Variants in ELMO3 observed in about 807,000 individuals in gnomAD.
ELMO3 encodes the protein engulfment and cell motility protein 3.
A neutral mutation model predicts 89.0 loss-of-function variants in ELMO3; 81 were observed. That is an observed-to-expected ratio of 0.91 (90% confidence interval 0.76 to 1.09). ELMO3 has a LOEUF of 1.09. Ranked by LOEUF, ELMO3 falls within the 50% of genes least tolerant of loss-of-function variation. The pLI is 0.00. For missense variants in ELMO3, 959 were observed against 972.8 expected (o/e 0.99, Z 0.19); for synonymous variants, 406 against 400.6 (o/e 1.01, Z -0.16).
Position 67,202,151 on chromosome 16 carries a change from C to A in ELMO3, c.1153-25C>A, listed in dbSNP as rs763697306. The A allele has an allele frequency of 2.5e-6, 4 of 1,601,436 alleles. No homozygotes were observed. In the South Asian group the frequency reaches 4.4e-5, roughly 18 times the overall value. ...GTCCCCATGGGCTTAGCTGTGACTC[C>A]TTGCCCCATTCTCTGCGCCCCCAGT... is the stretch of plus-strand genomic sequence containing the variant. On this transcript the variant is annotated intron_variant, in intron 12 of 19. Coordinates refer to ENST00000393997, the MANE Select transcript of ELMO3 (RefSeq NM_024712.5).
rs1430776941 is a variant in ELMO3 at position 67,201,729 on chromosome 16, A to G, written c.919-13A>G. 2 of 1,608,962 alleles carry G rather than the reference A, an allele frequency of 1.2e-6. No homozygotes were observed. Among genetic ancestry groups the G allele is most frequent in the Non-Finnish European group, 8.5e-7 (1 of 1,179,994 alleles). Reference sequence around the variant, plus strand: ...TCTTGATCCCCTCCCCCGCCACCCAACACTGACCCCAGGAGCAGCGGGAGC... The same window carrying G: ...TCTTGATCCCCTCCCCCGCCACCCAGCACTGACCCCAGGAGCAGCGGGAGC... On this transcript the variant is annotated splice_polypyrimidine_tract_variant and intron_variant, in intron 10 of 19. Coordinates refer to ENST00000393997, the MANE Select transcript of ELMO3 (RefSeq NM_024712.5).
At position 67,199,870 on chromosome 16, in the gene ELMO3, C is replaced by T. The variant is rs1339574991; in HGVS notation, c.193-81C>T. ...CGGAGCGCGATCTGTTATTCACCCC[C>T]AGCCGCCCTCACCGACACCCCAGTT... On this transcript the variant is annotated intron_variant, in intron 3 of 19. Transcript: ENST00000393997. The T allele has an allele frequency of 1.3e-5, 21 of 1,608,174 alleles. 1 individual carries two copies. In the Admixed American group the frequency reaches 2.2e-4, roughly 17 times the overall value.
chr16:67,200,579 G>GGGGGCAGTGGAGCAGT, intron 6 of ELMO3, 29 bp downstream of exon 6: 1 of 1,613,228 alleles, frequency 6.2e-7, no homozygotes, highest in African/African-American at 1.3e-5. Flanking sequence ...GGCAGCGGGT[G>GGGGGCAGTGGAGCAGT]GGGGCAGTGG....
At chr16:67,201,703 A>C (rs2033114564) in intron 10 of ELMO3, 39 bp from the exon 11 acceptor site, 1 of 1,607,706 alleles carries the variant, frequency 6.2e-7, no homozygotes, top group Admixed American at 1.7e-5. Flanking sequence ...TGAATCTATA[A>C]TCTTGATCCC....
rs565642405 is a variant in ELMO3 at position 67,200,502 on chromosome 16, G to C, written c.465G>C (p.Glu155Asp). Reference protein sequence around the residue: ...LSLRAFSELMEHGVVSWETLS... With the variant: ...LSLRAFSELMDHGVVSWETLS... ...TGAGGGCCTTCTCAGAGCTCATGGA[G>C]CACGGCGTGGTGTCCTGGGAGACTC... Residue 155 changes from glutamate to aspartate, a missense_variant, in exon 6 of 20, where the codon GAG becomes GAC. Transcript: ENST00000393997. The C allele has an allele frequency of 5.5e-5, 89 of 1,613,788 alleles. No homozygotes were observed. The highest frequency in any genetic ancestry group is 7.5e-5 in the Non-Finnish European group (88 of 1,179,966).
chr16:67,200,127 A>G, intron 4 of ELMO3, 65 bp from the exon 5 acceptor site: 3 of 1,579,428 alleles, frequency 1.9e-6, no homozygotes, highest in Non-Finnish European at 2.6e-6. Context: ...GGGGCCGCAC[A>G]CTTCCAGGTC....
In ELMO3 at chr16:67,199,866, C is replaced by A. The variant is rs1192726061; in HGVS notation, c.193-85C>A. ...CTACCGGAGCGCGATCTGTTATTCA[C>A]CCCCAGCCGCCCTCACCGACACCCC... On this transcript the variant is annotated intron_variant, in intron 3 of 19. Transcript: ENST00000393997. 6 of 1,605,238 alleles carry A rather than the reference C, an allele frequency of 3.7e-6. No homozygotes were observed. In the African/African-American group the frequency reaches 6.7e-5, roughly 18 times the overall value.
rs773629483 is a variant in ELMO3 at position 67,200,906 on chromosome 16, C to A, written c.682C>A (p.Gln228Lys). The change falls in exon 8 of 20, where the codon CAA (glutamine) becomes AAA (lysine). Residue 228 changes from glutamine to lysine, a missense_variant. Gln to Lys is a moderately conservative substitution (Grantham distance 53, BLOSUM62 1). Coordinates refer to ENST00000393997, the MANE Select transcript of ELMO3 (RefSeq NM_024712.5). ...VHLQVMNQQL[Q>K]TKAMALLTAL... Reference sequence around the variant, plus strand: ...TTGCCATAGGATGAACCAGCAGCTGCAAACCAAGGCCATGGCCCTGCTGAC... The same window carrying A: ...TTGCCATAGGATGAACCAGCAGCTGAAAACCAAGGCCATGGCCCTGCTGAC... 4 of 1,613,580 alleles carry A rather than the reference C, an allele frequency of 2.5e-6. No individual in the cohort carries two copies. The East Asian group carries it at 8.9e-5, about 36-fold the overall frequency.
chr16:67,201,048 C>G lies in ELMO3; in HGVS notation c.744+80C>G, dbSNP rs1051934404. On this transcript the variant is annotated intron_variant, in intron 8 of 19. Transcript: ENST00000393997. ...CCTGAAGCAAAATCCTCTAAGCCCC[C>G]CTTTTTTTTTTTTTTGAGATGGAGT... The G allele has an allele frequency of 2.9e-5, 41 of 1,414,092 alleles. No homozygotes were observed. In the Admixed American group the frequency reaches 5.7e-4, roughly 20 times the overall value. The allele number at this position is 1,414,092 out of a possible 1,614,324, so 87.6% of individuals were successfully genotyped here. A position where few individuals can be genotyped will look rare whatever the true frequency, so the allele number is the denominator to read the frequency against.
At position 67,203,070 on chromosome 16, in the gene ELMO3, G is replaced by C. The variant is rs781356702; in HGVS notation, c.1676-49G>C. 1.1e-5 allele frequency: 18 copies of C among 1,595,838 alleles called. No individual in the cohort carries two copies. The African/African-American group carries it at 2.4e-4, about 21-fold the overall frequency. On this transcript the variant is annotated intron_variant, in intron 16 of 19. Coordinates refer to ENST00000393997, the MANE Select transcript of ELMO3 (RefSeq NM_024712.5). This position sits in a 1 kb window ranked among gnomAD's most constrained non-coding sequence, Gnocchi z 4.6. Reference sequence around the variant, plus strand: ...AGGGCAGGCAGAGGGCGGCTGGCTTGGTGTCAGGACCTCTCAGCACTCTGG... The same window carrying C: ...AGGGCAGGCAGAGGGCGGCTGGCTTCGTGTCAGGACCTCTCAGCACTCTGG...
At position 67,199,962 on chromosome 16, in the gene ELMO3, G is replaced by T; in HGVS notation, c.204G>T (p.Glu68Asp). Residue 68 changes from glutamate (E) to aspartate (D), a missense_variant, in exon 4 of 20, where the codon GAG becomes GAT. By Grantham distance (45) the Glu-to-Asp change is conservative. Coordinates refer to ENST00000393997, the MANE Select transcript of ELMO3 (RefSeq NM_024712.5). ...GCTGTCTTCTCCAGAACCGCGCGGA[G>T]ATCAAGAATGGCAGCATCCTGTGCC... ...RRYITENNRA[E>D]IKNGSILCLS... The T allele has an allele frequency of 6.2e-7, 1 of 1,613,884 alleles. No homozygotes were observed.
chr16:67,203,139 C>A lies in ELMO3; in HGVS notation c.1696C>A (p.Leu566Met). ...RRQDKLWFCCLSPNHKLLQYG... is the reference protein window; with the variant it reads ...RRQDKLWFCCMSPNHKLLQYG... The stretch of plus-strand genomic sequence containing the variant: ...CGCAGATAAGCTGTGGTTCTGCTGC[C>A]TGTCCCCCAACCACAAGCTGCTGCA... The change falls in exon 17 of 20, where the codon CTG (leucine) becomes ATG (methionine). Residue 566 changes from leucine (L) to methionine (M), a missense_variant. By Grantham distance (15) the Leu-to-Met change is conservative. Transcript: ENST00000393997. The surrounding 1 kb of genome is among the most constrained non-coding windows in gnomAD (Gnocchi z 4.6). 6.2e-7 allele frequency: 1 copy of A among 1,611,876 alleles called. No homozygotes were observed.
intron 8 of ELMO3, 34 bp downstream of exon 8, chr16:67,201,002 AC>A: frequency 3.8e-6 from 6 of 1,565,324 alleles, no homozygotes; most frequent in Non-Finnish European, 5.1e-6. Flanking sequence ...TGGGGGCAGC[AC>A]CCGGTGGGCG....
rs759178822 is a variant in ELMO3 at position 67,200,976 on chromosome 16, TC to T, written c.744+9del. The stretch of plus-strand genomic sequence containing the variant: ...AGCCCTGTGGAACGCAAGGTGAGTG[TC>T]GATCGGTGGCTAGATGGGGGCAGCA... On this transcript the variant is annotated intron_variant, in intron 8 of 19. Transcript: ENST00000393997. 1.3e-6 allele frequency: 2 copies of T among 1,590,746 alleles called. No homozygotes were observed. The highest frequency in any genetic ancestry group is 2.3e-5 in the South Asian group (2 of 87,378).
At chr16:67,200,604 G>C in intron 6 of ELMO3, 53 bp from the exon 7 acceptor site, 1 of 1,610,796 alleles carries the variant, frequency 6.2e-7, no homozygotes. Context: ...GTGGGGCAGT[G>C]GTAGACCCGG....
rs75193761 is a variant in ELMO3, at chr16:67,199,340, G to A, written c.14G>A (p.Arg5Gln). 53,218 of 1,611,042 alleles carry A rather than the reference G, an allele frequency of 0.033. 1,267 individuals carry two copies. The highest frequency in any genetic ancestry group is 0.069 in the South Asian group (6,270 of 91,008). MAPP[R>Q]NVVKIAIKMR... Reference sequence around the variant, plus strand: ...CCCAGCTGGACCATGGCGCCTCCGCGGAACGTGGTGAAGATTGCCATCAAG... The same window carrying A: ...CCCAGCTGGACCATGGCGCCTCCGCAGAACGTGGTGAAGATTGCCATCAAG... Residue 5 changes from arginine (R) to glutamine (Q), a missense_variant, in exon 1 of 20, where the codon CGG becomes CAG. Physicochemically the swap from Arg to Gln is conservative, Grantham distance 43. Transcript: ENST00000393997.
In ELMO3 at chr16:67,203,892, A is replaced by G. The variant is rs1190846606; in HGVS notation, c.*15A>G. 5.9e-6 allele frequency: 9 copies of G among 1,529,960 alleles called. No individual in the cohort carries two copies. The highest frequency in any genetic ancestry group is 1.4e-5 in the African/African-American group (1 of 73,296). The allele number at this position is 1,529,960 out of a possible 1,614,324, so 94.8% of individuals were successfully genotyped here. A position where few individuals can be genotyped will look rare whatever the true frequency, so the allele number is the denominator to read the frequency against. On this transcript the variant is annotated 3_prime_UTR_variant, in exon 20 of 20. Coordinates refer to ENST00000393997, the MANE Select transcript of ELMO3 (RefSeq NM_024712.5). This position sits in a 1 kb window ranked among gnomAD's most constrained non-coding sequence, Gnocchi z 4.6. ...CTGAACCTTGACAGTGTGGCTGGCC[A>G]TGGGCCACAGCTGCGGCCACTGCAG...
At chr16:67,201,491 G>A (rs764917023) in intron 9 of ELMO3, 29 bp from the exon 10 acceptor site, 38 of 1,613,796 alleles carry the variant, frequency 2.4e-5, no homozygotes, top group East Asian at 4.5e-5. Context: ...GTGAGCCCTC[G>A]CTTACACCAG....
Position 67,202,784 on chromosome 16 carries a change from C to T in ELMO3, c.1556C>T (p.Pro519Leu), listed in dbSNP as rs1355227540. The T allele has an allele frequency of 6.2e-7, 1 of 1,613,164 alleles. No homozygotes were observed. Among genetic ancestry groups the T allele is most frequent in the African/African-American group, 1.3e-5 (1 of 74,922 alleles). Residue 519 changes from proline to leucine, a missense_variant, in exon 15 of 20, where the codon CCT becomes CTT. Pro to Leu is a moderately conservative substitution (Grantham distance 98). Coordinates refer to ENST00000393997, the MANE Select transcript of ELMO3 (RefSeq NM_024712.5). ...RLHQEGTLAPPILELREKLKP... is the reference protein window; with the variant it reads ...RLHQEGTLAPLILELREKLKP... ...CACCAGGAGGGCACACTGGCTCCCC[C>T]TATACTGTGAGTCTGGGGGGATGGA...
Sources: gnomAD v4.1 joint callset for allele counts on GRCh38, gnomAD v4.1.1 for gene constraint, Gnocchi (gnomAD v3.1) non-coding constraint, MANE v1.5 for transcripts, NCBI Gene and HGNC (gene_info 2026-07-23, HGNC 2026-07-21) for gene names.